The following BAG4 variants were observed in gnomAD, a reference collection of about 807,000 sequenced individuals.
BAG4 encodes the protein BAG cochaperone 4.
BAG4 carries 28 observed loss-of-function variants against 52.1 expected under a neutral mutation model. The ratio of observed to expected loss-of-function variants is 0.54; its 90% CI spans 0.40 to 0.74. BAG4 has a LOEUF of 0.74. BAG4 is among the 30% of genes least tolerant of loss of function. The pLI is 0.00. For synonymous variants in BAG4, 208 were observed against 217.0 expected, an observed-to-expected ratio of 0.96 and a Z score of 0.37; for missense variants, 525 against 572.0, an observed-to-expected ratio of 0.92 and a Z score of 0.84.
chr8:38,176,902 C>T lies in BAG4; in HGVS notation c.33C>T (p.Pro11=), dbSNP rs1803164619. The part of the protein sequence containing the change: MSALRRSGYG[P]SDGPSYGRYY... ...CCCTGAGGCGCTCGGGCTACGGCCCCAGTGACGGTCCGTCCTACGGCCGCT... is the reference window on the plus strand; with the variant it reads ...CCCTGAGGCGCTCGGGCTACGGCCCTAGTGACGGTCCGTCCTACGGCCGCT... Residue 11 remains proline (P), a synonymous_variant, in exon 1 of 5, where the codon CCC becomes CCT. Coordinates refer to ENST00000287322, the MANE Select transcript of BAG4 (RefSeq NM_004874.4). 12 of 1,547,118 alleles carry T rather than the reference C, an allele frequency of 7.8e-6. No homozygotes were observed. Among genetic ancestry groups the T allele is most frequent in the Non-Finnish European group, 1.0e-5 (12 of 1,145,900 alleles).
In BAG4 at chr8:38,189,650, T is replaced by C. The variant is rs907152895; in HGVS notation, c.271-3038T>C. On this transcript the variant is annotated intron_variant, in intron 1 of 4. Coordinates refer to ENST00000287322, the MANE Select transcript of BAG4 (RefSeq NM_004874.4). ...GTGTCTTCTCATCCTGGGACTTCAG[T>C]TGAAAACACAGCTCCCATATAAGAT... is the stretch of plus-strand genomic sequence containing the variant. Among the ~76,000 whole-genome samples the C allele has an allele frequency of 9.9e-5, 15 of 152,282 alleles. 1 individual carries two copies. The South Asian group carries it at 1.7e-3, about 17-fold the overall frequency.
intron 2 of BAG4, among the ~76,000 whole-genome samples, chr8:38,207,008 G>C: frequency 1.4e-5 from 2 of 148,112 alleles, no homozygotes; most frequent in South Asian, 4.3e-4. Flanking sequence ...GCTGGAGTGC[G>C]ATGGCACGAT....
At chr8:38,203,588 A>AT (rs1803720221) in intron 2 of BAG4, among the ~76,000 whole-genome samples, 1 of 151,982 alleles carries the variant, frequency 6.6e-6, no homozygotes, top group Non-Finnish European at 1.5e-5. Flanking sequence ...TGGTTGAGGA[A>AT]TTTTTTGTGA....
At chr8:38,180,422 C>T (rs1222857492) in intron 1 of BAG4, among the ~76,000 whole-genome samples, 3 of 148,236 alleles carry the variant, frequency 2.0e-5, no homozygotes, top group Non-Finnish European at 4.4e-5. Flanking sequence ...ACTAGGGGCA[C>T]TGAGGCAGGA....
At chr8:38,178,424 G>A (rs1803207518) in intron 1 of BAG4, among the ~76,000 whole-genome samples, 1 of 152,276 alleles carries the variant, frequency 6.6e-6, no homozygotes, top group South Asian at 2.1e-4. Flanking sequence ...TCGGCCTCCC[G>A]AAGTGTTGGG....
chr8:38,207,883 G>C, intron 3 of BAG4, 117 bp downstream of exon 3: 2 of 1,275,744 alleles, frequency 1.6e-6, no homozygotes, highest in Non-Finnish European at 2.1e-6. Flanking sequence ...GATTGGGAAG[G>C]CTTTTATATT....
At chr8:38,207,447 T>G in intron 2 of BAG4, 65 bp from the exon 3 acceptor site, 1 of 1,535,274 alleles carries the variant, frequency 6.5e-7, no homozygotes, top group Middle Eastern at 2.4e-4. Flanking sequence ...GTTTAGGCAT[T>G]AAGTCAGGGC....
intron 1 of BAG4, among the ~76,000 whole-genome samples, chr8:38,179,753 C>G (rs1416952314): frequency 1.3e-5 from 2 of 150,778 alleles, no homozygotes; most frequent in Non-Finnish European, 3.0e-5. Flanking sequence ...GAGACAAGAG[C>G]GAAACTCCAT....
chr8:38,182,871 T>C (rs2130662486), intron 1 of BAG4, among the ~76,000 whole-genome samples: 1 of 152,212 alleles, frequency 6.6e-6, no homozygotes. Flanking sequence ...TTTTTAGTGC[T>C]TCATTGAGGA....
rs78720985 is a variant in BAG4 at position 38,194,383 on chromosome 8, C to T, written c.378+1588C>T. On this transcript the variant is annotated intron_variant, in intron 2 of 4. Transcript: ENST00000287322. Reference sequence around the variant, plus strand: ...TACGAGATAAGAATTTCCTTAGGGTCTGGAATTTTTGGGTTTAGGTGTGTA... The same window carrying T: ...TACGAGATAAGAATTTCCTTAGGGTTTGGAATTTTTGGGTTTAGGTGTGTA... 8.2e-3 allele frequency among the ~76,000 whole-genome samples: 1,082 copies of T among 131,796 alleles called. 14 individuals are homozygous for T. Among genetic ancestry groups the T allele is most frequent in the African/African-American group, 0.03 (1,037 of 34,908 alleles). 86.5% of individuals were successfully genotyped at this position (131,796 alleles called of 152,430 possible). A position where few individuals can be genotyped will look rare whatever the true frequency, so the allele number is the denominator to read the frequency against.
At chr8:38,188,159 T>C (rs1321357180) in intron 1 of BAG4, among the ~76,000 whole-genome samples, 1 of 151,296 alleles carries the variant, frequency 6.6e-6, no homozygotes, top group East Asian at 1.9e-4. Context: ...ATTCACTTAA[T>C]GCAAAAGAAA....
Position 38,209,031 on chromosome 8 carries a change from C to G in BAG4, c.652C>G (p.Pro218Ala). 1.2e-6 allele frequency: 2 copies of G among 1,613,920 alleles called. No homozygotes were observed. The highest frequency in any genetic ancestry group is 1.7e-6 in the Non-Finnish European group (2 of 1,179,824). Reference protein sequence around the residue: ...PPSQNPGMTLPHYPYGDGNRS... With the variant: ...PPSQNPGMTLAHYPYGDGNRS... ...AATCTAGAACCCTGGAATGACCCTG[C>G]CCCATTATCCTTATGGAGATGGTAA... Residue 218 changes from proline to alanine, a missense_variant, in exon 4 of 5, where the codon CCC becomes GCC. This residue lies in a region of BAG4 where 238 missense variants were observed against 305.8 expected (regional missense o/e 0.78). Transcript: ENST00000287322.
chr8:38,209,528 CGTT>C, intron 4 of BAG4: 1 of 492,036 alleles, frequency 2.0e-6, no homozygotes, highest in African/African-American at 2.0e-5. Flanking sequence ...TTCTTCTAAA[CGTT>C]AAATGCAAAG....
intron 2 of BAG4, among the ~76,000 whole-genome samples, chr8:38,197,183 TGTA>T (rs1803576274): frequency 6.6e-6 from 1 of 152,222 alleles, no homozygotes. Context: ...TCTTATCAAA[TGTA>T]GTCATTCATT....
intron 2 of BAG4, among the ~76,000 whole-genome samples, chr8:38,196,376 G>A (rs776011776): frequency 4.6e-5 from 7 of 152,004 alleles, no homozygotes; most frequent in African/African-American, 7.2e-5. Flanking sequence ...ATTATAGGCC[G>A]GGCGCGGTGG....
intron 1 of BAG4, among the ~76,000 whole-genome samples, chr8:38,192,460 A>C (rs1194044655): frequency 6.6e-6 from 1 of 151,994 alleles, no homozygotes; most frequent in Non-Finnish European, 1.5e-5. Context: ...TTTGTTTTTA[A>C]GAGACGGGGT....
chr8:38,208,471 A>T (rs1326682010), intron 3 of BAG4, among the ~76,000 whole-genome samples: 1 of 144,902 alleles, frequency 6.9e-6, no homozygotes, highest in Non-Finnish European at 1.5e-5. Context: ...CACCGCGCCC[A>T]GCTAATTTTT....
chr8:38,179,923 CTT>C (rs1803234955), intron 1 of BAG4, among the ~76,000 whole-genome samples: 1 of 152,040 alleles, frequency 6.6e-6, no homozygotes, highest in African/African-American at 2.4e-5. Flanking sequence ...TGATGACTGA[CTT>C]TTGCTGGGCC....
At chr8:38,193,473 T>C (rs1337650188) in intron 2 of BAG4, among the ~76,000 whole-genome samples, 1 of 152,194 alleles carries the variant, frequency 6.6e-6, no homozygotes, top group East Asian at 1.9e-4. Context: ...GATTTGTCAA[T>C]TTCTGTTTGC....
Sources: allele counts gnomAD v4.1 joint callset (sites outside exome capture counted in the v4.1 genomes callset), GRCh38; gene constraint gnomAD v4.1.1; regional missense constraint gnomAD v4.1.1; transcripts MANE v1.5; gene names NCBI Gene and HGNC (gene_info 2026-07-23, HGNC 2026-07-21).